The following CAMTA1 variants were observed in gnomAD, a reference collection of about 807,000 sequenced individuals.
The protein encoded by CAMTA1 is calmodulin binding transcription activator 1, also known as calmodulin-binding transcription activator 1.
In CAMTA1, 27 loss-of-function variants were observed where a neutral mutation model predicts 170.9. The ratio of observed to expected loss-of-function variants is 0.16; its 90% CI spans 0.12 to 0.22. CAMTA1 has a LOEUF of 0.22. Among genes scored for constraint, CAMTA1 ranks in the 10% least tolerant of loss-of-function variants. The pLI is 1.00. For missense variants in CAMTA1, 1,619 were observed against 2,217.2 expected (o/e 0.73, Z 5.42); for synonymous variants, 833 against 891.5 (o/e 0.93, Z 1.17).
Position 7,460,910 on chromosome 1 carries a change from G to A in CAMTA1, c.439-6920G>A, listed in dbSNP as rs989437677. Among the ~76,000 whole-genome samples the A allele has an allele frequency of 2.0e-5, 3 of 152,186 alleles. No homozygotes were observed. In the East Asian group the frequency reaches 5.8e-4, roughly 30 times the overall value. On this transcript the variant is annotated intron_variant, in intron 5 of 22. Coordinates refer to ENST00000303635, the MANE Select transcript of CAMTA1 (RefSeq NM_015215.4). ...GTGGAGTCTCTGGGGCCAGCCACAGGGGCTGTGGTGGTGTGGAGGCCACCA... is the reference window on the plus strand; with the variant it reads ...GTGGAGTCTCTGGGGCCAGCCACAGAGGCTGTGGTGGTGTGGAGGCCACCA...
chr1:7,460,894 C>G (rs1171014258), intron 5 of CAMTA1, among the ~76,000 whole-genome samples: 1 of 152,132 alleles, frequency 6.6e-6, no homozygotes, highest in African/African-American at 2.4e-5. Context: ...AGTGGAGTCT[C>G]TGGGGCCAGC....
chr1:6,902,116 T>G (rs1054200809), intron 3 of CAMTA1, among the ~76,000 whole-genome samples: 1 of 151,048 alleles, frequency 6.6e-6, no homozygotes, highest in Non-Finnish European at 1.5e-5. Flanking sequence ...CTTTTAGGAA[T>G]GCAGAATGCT....
At chr1:6,832,083 T>A (rs899963019) in intron 3 of CAMTA1, among the ~76,000 whole-genome samples, 4 of 151,992 alleles carry the variant, frequency 2.6e-5, no homozygotes, top group African/African-American at 7.3e-5. Context: ...CACCTTATTT[T>A]TTTTTATTTT....
chr1:7,041,408 G>GAGGCAGAA lies in CAMTA1; in HGVS notation c.235-49895_235-49888dup, dbSNP rs1396237157. ...CACACACACAACAGAACATAAATCA[G>GAGGCAGAA]AGGCAGAATCTTTTAACATTTACAG... On this transcript the variant is annotated intron_variant, in intron 3 of 22. Coordinates refer to ENST00000303635, the MANE Select transcript of CAMTA1 (RefSeq NM_015215.4). The surrounding 1 kb of genome is among the most constrained non-coding windows in gnomAD (Gnocchi z 5.1). Among the ~76,000 whole-genome samples the GAGGCAGAA allele has an allele frequency of 2.0e-5, 3 of 152,228 alleles. No homozygotes were observed. Among genetic ancestry groups the GAGGCAGAA allele is most frequent in the Non-Finnish European group, 4.4e-5 (3 of 68,040 alleles).
chr1:7,728,270 C>T (rs1327850805), intron 11 of CAMTA1, among the ~76,000 whole-genome samples: 2 of 152,218 alleles, frequency 1.3e-5, no homozygotes, highest in Non-Finnish European at 2.9e-5. Flanking sequence ...TCTGTTTCTG[C>T]AGTGCCCGTG....
At chr1:7,207,568 C>G (rs1657974195) in intron 4 of CAMTA1, among the ~76,000 whole-genome samples, 1 of 152,166 alleles carries the variant, frequency 6.6e-6, no homozygotes, top group Non-Finnish European at 1.5e-5. Context: ...AGCCCTGTCC[C>G]ACCTCTAATG....
chr1:7,239,089 T>G (rs1260205499), intron 4 of CAMTA1, among the ~76,000 whole-genome samples: 1 of 152,164 alleles, frequency 6.6e-6, no homozygotes, highest in Non-Finnish European at 1.5e-5. Context: ...TCAGTCTTAT[T>G]TCATCCATAC....
intron 5 of CAMTA1, among the ~76,000 whole-genome samples, chr1:7,459,784 C>T (rs1013378328): frequency 4.6e-5 from 7 of 152,178 alleles, no homozygotes; most frequent in African/African-American, 7.2e-5. Context: ...GGGTCACAGC[C>T]GGAAGAAGGG....
chr1:7,661,408 C>G (rs2095956076), intron 7 of CAMTA1, among the ~76,000 whole-genome samples: 1 of 152,214 alleles, frequency 6.6e-6, no homozygotes. Context: ...TCCATTCCAG[C>G]ACCCCTGGAA....
intron 2 of CAMTA1, among the ~76,000 whole-genome samples, chr1:6,821,213 A>G (rs894111571): frequency 3.3e-5 from 5 of 152,230 alleles, no homozygotes; most frequent in African/African-American, 1.2e-4. Flanking sequence ...AATCTTTTGT[A>G]GAATTACTAC....
At chr1:7,258,313 A>G (rs1224885539) in intron 5 of CAMTA1, among the ~76,000 whole-genome samples, 5 of 152,236 alleles carry the variant, frequency 3.3e-5, no homozygotes, top group Non-Finnish European at 5.9e-5. Flanking sequence ...TTATTAAGCT[A>G]GAAACTCCCT....
intron 3 of CAMTA1, among the ~76,000 whole-genome samples, chr1:6,877,195 G>A (rs562988953): frequency 1.3e-5 from 2 of 152,284 alleles, no homozygotes; most frequent in South Asian, 2.1e-4. Flanking sequence ...ATCCTTCTGC[G>A]CTCCCCCTCC....
chr1:6,999,676 CT>C (rs1368375234), intron 3 of CAMTA1, among the ~76,000 whole-genome samples: 2 of 152,084 alleles, frequency 1.3e-5, no homozygotes, highest in Non-Finnish European at 2.9e-5. Context: ...CCGGCCGGGT[CT>C]TTTTTCTTAG....
chr1:7,672,960 G>T (rs2096073784), intron 10 of CAMTA1, among the ~76,000 whole-genome samples: 2 of 152,328 alleles, frequency 1.3e-5, no homozygotes, highest in South Asian at 4.1e-4. Context: ...CAGCCAGCCG[G>T]GGTGGCAGCC....
Position 7,520,492 on chromosome 1 carries a change from G to T in CAMTA1, c.510+52591G>T, listed in dbSNP as rs1229313509. ...CCAGTCTCAGGCGCCCATCCATCAT[G>T]AGTGCCACAGGCAGACATGGATCCC... On this transcript the variant is annotated intron_variant, in intron 6 of 22. Coordinates refer to ENST00000303635, the MANE Select transcript of CAMTA1 (RefSeq NM_015215.4). Among the ~76,000 whole-genome samples the T allele has an allele frequency of 3.3e-5, 5 of 151,506 alleles. No homozygotes were observed. In the South Asian group the frequency reaches 8.4e-4, roughly 25 times the overall value.
At chr1:7,423,787 A>G (rs2091724187) in intron 5 of CAMTA1, among the ~76,000 whole-genome samples, 1 of 152,126 alleles carries the variant, frequency 6.6e-6, no homozygotes, top group Admixed American at 6.5e-5. Context: ...TTGTGCTGTT[A>G]GGATTTTGCA....
intron 3 of CAMTA1, among the ~76,000 whole-genome samples, chr1:6,950,563 C>T (rs954857055): frequency 5.9e-5 from 9 of 152,040 alleles, no homozygotes; most frequent in African/African-American, 2.2e-4. Context: ...GGTGGGTGGC[C>T]AATCAGAGAC....
chr1:6,785,540 G>A lies in CAMTA1; in HGVS notation c.10G>A (p.Ala4Thr), dbSNP rs1638883556. 1 of 1,081,128 alleles carries A rather than the reference G, an allele frequency of 9.2e-7. No homozygotes were observed. 67.0% of individuals were successfully genotyped at this position (1,081,128 alleles called of 1,614,324 possible). Residue 4 changes from alanine to threonine, a missense_variant, in exon 1 of 23, where the codon GCG (alanine) becomes ACG (threonine). Physicochemically the swap from Ala to Thr is moderately conservative, Grantham distance 58. Transcript: ENST00000303635. MWR[A>T]EGKWLPKTSR... ...CGCGAGGAGGAGGAGGATGTGGCGCGCGGAGGGGAAATGGCTGCCGAAAAC... is the reference window on the plus strand; with the variant it reads ...CGCGAGGAGGAGGAGGATGTGGCGCACGGAGGGGAAATGGCTGCCGAAAAC...
At chr1:7,276,095 C>G (rs1307638832) in intron 5 of CAMTA1, among the ~76,000 whole-genome samples, 1 of 150,318 alleles carries the variant, frequency 6.7e-6, no homozygotes, top group African/African-American at 2.5e-5. Context: ...ATGTGCTAAT[C>G]AATGTAATTA....
Sources: allele counts gnomAD v4.1 joint callset (sites outside exome capture counted in the v4.1 genomes callset), GRCh38; gene constraint gnomAD v4.1.1; non-coding constraint Gnocchi (gnomAD v3.1); transcripts MANE v1.5; gene names NCBI Gene and HGNC (gene_info 2026-07-23, HGNC 2026-07-21).